PTPRM: variants seen among roughly 807,000 people sequenced by gnomAD.
PTPRM encodes receptor-type tyrosine-protein phosphatase mu.
In PTPRM, 47 loss-of-function variants were observed where a neutral mutation model predicts 186.7. The ratio of observed to expected loss-of-function variants is 0.25; its 90% CI spans 0.20 to 0.32. The LOEUF is 0.32. Among genes scored for constraint, PTPRM ranks in the 10% least tolerant of loss-of-function variants. The pLI is 1.00. For synonymous variants in PTPRM, 668 were observed against 674.9 expected (o/e 0.99, Z 0.16); for missense variants, 1,494 against 1,865.0 (o/e 0.80, Z 3.66).
chr18:8,356,230 G>A lies in PTPRM; in HGVS notation c.3054+12710G>A, dbSNP rs12959129. ...CAGAAGCTTAGCTCTGCAGGGAAAAGAGAGGAGTGCAGCTGTAAACAGAGG... is the reference window on the plus strand; with the variant it reads ...CAGAAGCTTAGCTCTGCAGGGAAAAAAGAGGAGTGCAGCTGTAAACAGAGG... On this transcript the variant is annotated intron_variant, in intron 23 of 32. Coordinates refer to ENST00000580170, the MANE Select transcript of PTPRM (RefSeq NM_001105244.2). Among the ~76,000 whole-genome samples the A allele has an allele frequency of 1.4e-4, 21 of 150,048 alleles. 1 individual carries two copies. The South Asian group carries it at 4.2e-3, about 30-fold the overall frequency.
At position 7,687,678 on chromosome 18, in the gene PTPRM, T is replaced by A. The variant is rs191600518; in HGVS notation, c.74-86471T>A. 1.8e-3 allele frequency among the ~76,000 whole-genome samples: 279 copies of A among 152,262 alleles called. 1 individual carries two copies. The highest frequency in any genetic ancestry group is 6.6e-3 in the African/African-American group (273 of 41,556). On this transcript the variant is annotated intron_variant, in intron 1 of 32. Transcript: ENST00000580170. ...TGATGATTTCCTTAATGGACAGCAA[T>A]ACCGTACCTCATATTTTATGGTAAA...
At chr18:7,570,585 G>A (rs1222261747) in intron 1 of PTPRM, among the ~76,000 whole-genome samples, 1 of 152,194 alleles carries the variant, frequency 6.6e-6, no homozygotes, top group Non-Finnish European at 1.5e-5. Context: ...AATGGAGGGA[G>A]AGAAGTGATT....
intron 31 of PTPRM, among the ~76,000 whole-genome samples, chr18:8,394,174 T>A (rs760353787): frequency 1.2e-4 from 18 of 152,110 alleles, no homozygotes; most frequent in Admixed American, 5.2e-4. Flanking sequence ...AGAACCTAAA[T>A]AAGGTTCATT....
chr18:8,025,781 A>G (rs1180258087), intron 7 of PTPRM, among the ~76,000 whole-genome samples: 2 of 152,174 alleles, frequency 1.3e-5, no homozygotes, highest in Non-Finnish European at 2.9e-5. Context: ...TGAAGATGGG[A>G]GGAGTGAGAA....
chr18:8,319,632 C>T (rs1033382234), intron 22 of PTPRM, among the ~76,000 whole-genome samples: 2 of 152,176 alleles, frequency 1.3e-5, no homozygotes, highest in Non-Finnish European at 2.9e-5. Flanking sequence ...TGTGCAGTCA[C>T]CTGTATGTAC....
chr18:8,237,902 A>G (rs1237084400), intron 14 of PTPRM, among the ~76,000 whole-genome samples: 1 of 152,082 alleles, frequency 6.6e-6, no homozygotes, highest in Non-Finnish European at 1.5e-5. Context: ...TTCTGAGGAG[A>G]AGTGCAATGT....
intron 2 of PTPRM, among the ~76,000 whole-genome samples, chr18:7,878,890 C>T (rs527871641): frequency 2.0e-5 from 3 of 152,204 alleles, no homozygotes; most frequent in South Asian, 2.1e-4. Context: ...AAAAACTTGA[C>T]GTATGGGAAA....
At chr18:8,352,977 G>T (rs962481686) in intron 23 of PTPRM, among the ~76,000 whole-genome samples, 4 of 151,926 alleles carry the variant, frequency 2.6e-5, no homozygotes, top group Non-Finnish European at 4.4e-5. Flanking sequence ...GCCCGATTTC[G>T]TTTTTTATGG....
chr18:7,716,941 C>T (rs1300377059), intron 1 of PTPRM, among the ~76,000 whole-genome samples: 1 of 152,130 alleles, frequency 6.6e-6, no homozygotes, highest in South Asian at 2.1e-4. Context: ...ACTAGAAAAC[C>T]ATTTGACCCA....
chr18:7,686,451 A>ACT (rs2039604406), intron 1 of PTPRM, among the ~76,000 whole-genome samples: 1 of 151,874 alleles, frequency 6.6e-6, no homozygotes, highest in South Asian at 2.1e-4. Flanking sequence ...ACCCCAAAGC[A>ACT]CTCCTCCCAG....
chr18:7,801,681 G>A lies in PTPRM; in HGVS notation c.196+27410G>A, dbSNP rs565117353. Among the ~76,000 whole-genome samples the A allele has an allele frequency of 2.0e-5, 3 of 152,250 alleles. No individual in the cohort carries two copies. The East Asian group carries it at 5.8e-4, about 29-fold the overall frequency. ...TGTATTTTTACATGACTCGCAGCAC[G>A]GAAGGCTTTTTACACTAGCAGCAAC... On this transcript the variant is annotated intron_variant, in intron 2 of 32. Coordinates refer to ENST00000580170, the MANE Select transcript of PTPRM (RefSeq NM_001105244.2).
intron 19 of PTPRM, among the ~76,000 whole-genome samples, chr18:8,263,415 G>A (rs2094657475): frequency 6.6e-6 from 1 of 152,184 alleles, no homozygotes; most frequent in African/African-American, 2.4e-5. Context: ...AGCTGAGGAT[G>A]AACATTTTTA....
intron 7 of PTPRM, among the ~76,000 whole-genome samples, chr18:8,047,307 A>G (rs1942951): frequency 3.9e-5 from 6 of 151,990 alleles, no homozygotes; most frequent in South Asian, 2.1e-4. Flanking sequence ...AATAAAAAAA[A>G]TTTTTGTGGC....
chr18:7,801,448 CAT>C (rs1316433135), intron 2 of PTPRM, among the ~76,000 whole-genome samples: 1 of 152,124 alleles, frequency 6.6e-6, no homozygotes, highest in Admixed American at 6.6e-5. Flanking sequence ...CAGTAACATG[CAT>C]AGAGCTGTCA....
chr18:8,259,236 G>T (rs899850548), intron 19 of PTPRM, among the ~76,000 whole-genome samples: 3 of 152,166 alleles, frequency 2.0e-5, no homozygotes, highest in African/African-American at 7.2e-5. Context: ...GGCATGAGCT[G>T]CTGTGCTCGG....
At chr18:8,158,776 G>A (rs1473080420) in intron 14 of PTPRM, among the ~76,000 whole-genome samples, 1 of 152,214 alleles carries the variant, frequency 6.6e-6, no homozygotes, top group Non-Finnish European at 1.5e-5. Context: ...AGCACAAGCA[G>A]GCGTGTCCCA....
intron 2 of PTPRM, among the ~76,000 whole-genome samples, chr18:7,854,088 A>G (rs2046985984): frequency 1.3e-5 from 2 of 152,342 alleles, no homozygotes; most frequent in South Asian, 4.1e-4. Flanking sequence ...AAATTTAAAC[A>G]GCAATATTAG....
chr18:8,347,743 C>T lies in PTPRM; in HGVS notation c.3054+4223C>T, dbSNP rs147214352. ...TGGTGGTAACTAGGTTTCTGGTTTA[C>T]CCATAAATCTAAGTCCGTAGATTTA... On this transcript the variant is annotated intron_variant, in intron 23 of 32. Transcript: ENST00000580170. 3.1e-3 allele frequency among the ~76,000 whole-genome samples: 472 copies of T among 152,144 alleles called. 2 individuals are homozygous for T. Among genetic ancestry groups the T allele is most frequent in the African/African-American group, 0.011 (444 of 41,486 alleles).
chr18:7,612,818 C>A (rs1186916033), intron 1 of PTPRM, among the ~76,000 whole-genome samples: 1 of 152,104 alleles, frequency 6.6e-6, no homozygotes, highest in Admixed American at 6.5e-5. Context: ...CCAGTCACTG[C>A]AAGAAGGCTT....
Sources: gnomAD v4.1 joint callset for allele counts (sites outside exome capture counted in the v4.1 genomes callset) on GRCh38, gnomAD v4.1.1 for gene constraint, MANE v1.5 for transcripts, NCBI Gene and HGNC (gene_info 2026-07-23, HGNC 2026-07-21) for gene names.